Variants in KANK1 observed in about 807,000 individuals in gnomAD.
KANK1 encodes KN motif and ankyrin repeat domains 1, also known as KN motif and ankyrin repeat domain-containing protein 1.
Under a neutral mutation model 106.2 loss-of-function variants are expected in KANK1, and 109 were observed. That is an observed-to-expected ratio of 1.03 (90% CI 0.88 to 1.20). The LOEUF is 1.20. KANK1 is among the 50% of genes most tolerant of loss of function. The pLI, the probability that KANK1 is intolerant of heterozygous loss-of-function variation, is 0.00. For synonymous variants in KANK1, 873 were observed against 652.2 expected (o/e 1.34, Z -5.16); for missense variants, 2,399 against 1,710.7 (o/e 1.40, Z -7.10).
At chr9:535,845 A>G (rs777765898) in intron 1 of KANK1, among the ~76,000 whole-genome samples, 2 of 152,122 alleles carry the variant, frequency 1.3e-5, no homozygotes, top group African/African-American at 4.8e-5. Context: ...TATTGTTTAT[A>G]TTTCTATTAA....
intron 1 of KANK1, among the ~76,000 whole-genome samples, chr9:596,876 G>A (rs1156614226): frequency 1.3e-5 from 2 of 151,568 alleles, no homozygotes; most frequent in South Asian, 2.1e-4. Context: ...AGAAAACCCC[G>A]TACCCAGTAA....
chr9:734,636 A>T lies in KANK1; in HGVS notation c.3246-112A>T. 4.4e-6 allele frequency: 3 copies of T among 688,778 alleles called. No individual in the cohort carries two copies. The South Asian group carries it at 5.3e-5, about 12-fold the overall frequency. 42.7% of individuals were successfully genotyped at this position (688,778 alleles called of 1,614,324 possible). ...AGCCAAGATCATGCCACTGCACTCCAGCCTGGGCGACAGAGCATGACCCTG... is the reference window on the plus strand; with the variant it reads ...AGCCAAGATCATGCCACTGCACTCCTGCCTGGGCGACAGAGCATGACCCTG... On this transcript the variant is annotated intron_variant, in intron 6 of 11. Coordinates refer to ENST00000382297, the MANE Select transcript of KANK1 (RefSeq NM_015158.5).
In KANK1 at chr9:745,775, T is replaced by TA. The variant is rs1837015429; in HGVS notation, c.*542dup. The TA allele has an allele frequency of 6.5e-6, 1 of 152,698 alleles. No individual in the cohort carries two copies. The highest frequency in any genetic ancestry group is 1.5e-5 in the Non-Finnish European group (1 of 68,100). 9.5% of individuals were successfully genotyped at this position (152,698 alleles called of 1,614,324 possible). The stretch of plus-strand genomic sequence containing the variant: ...ACAAAAGAATATTCTCATTTGGTCT[T>TA]AACTAGGTAGATGTAATATATGACT... On this transcript the variant is annotated 3_prime_UTR_variant, in exon 12 of 12. Transcript: ENST00000382297.
At chr9:506,362 A>T (rs1244041659) in intron 1 of KANK1, among the ~76,000 whole-genome samples, 1 of 152,190 alleles carries the variant, frequency 6.6e-6, no homozygotes, top group Non-Finnish European at 1.5e-5. Context: ...ATGAATAAGG[A>T]TGGAAGAGAA....
rs1021761501 is a variant in KANK1 at position 732,078 on chromosome 9, G to A, written c.3006-300G>A. On this transcript the variant is annotated intron_variant, in intron 5 of 11. Coordinates refer to ENST00000382297, the MANE Select transcript of KANK1 (RefSeq NM_015158.5). ...GGGGGGGGGACAAAAAGCACCTACC[G>A]ATCTGTTTTCCATAAAGTATGTTTT... 3.7e-5 allele frequency: 8 copies of A among 216,272 alleles called. No homozygotes were observed. The East Asian group carries it at 4.1e-4, about 11-fold the overall frequency. The allele number at this position is 216,272 out of a possible 1,614,324, so 13.4% of individuals were successfully genotyped here.
At chr9:609,879 C>G (rs749432003) in intron 1 of KANK1, among the ~76,000 whole-genome samples, 1 of 152,040 alleles carries the variant, frequency 6.6e-6, no homozygotes, top group African/African-American at 2.4e-5. Context: ...TTTCAAATTA[C>G]GTAGAATTGT....
intron 6 of KANK1, 28 bp from the exon 7 acceptor site, chr9:734,720 A>G: frequency 6.1e-6 from 9 of 1,463,746 alleles, no homozygotes; most frequent in Non-Finnish European, 8.6e-6. Flanking sequence ...TCTTGTGACC[A>G]ATCGTAACTT....
chr9:580,738 G>A (rs1022570158), intron 1 of KANK1, among the ~76,000 whole-genome samples: 23 of 152,266 alleles, frequency 1.5e-4, no homozygotes, highest in Non-Finnish European at 2.6e-4. Flanking sequence ...GGCCGCAGGC[G>A]GAGCTGCCTG....
chr9:567,963 G>C (rs1240352381), intron 1 of KANK1, among the ~76,000 whole-genome samples: 1 of 151,720 alleles, frequency 6.6e-6, no homozygotes, highest in African/African-American at 2.4e-5. Flanking sequence ...TCCAAAGAGA[G>C]AGTGCCAAAG....
At chr9:590,268 A>G (rs1047668573) in intron 1 of KANK1, among the ~76,000 whole-genome samples, 2 of 152,116 alleles carry the variant, frequency 1.3e-5, no homozygotes, top group African/African-American at 2.4e-5. Context: ...AGCCTTTGTT[A>G]TTATAGTCAG....
chr9:625,702 CA>C (rs908312001), intron 1 of KANK1, among the ~76,000 whole-genome samples: 22 of 152,270 alleles, frequency 1.4e-4, no homozygotes, highest in African/African-American at 5.1e-4. Context: ...AAGACTTAAT[CA>C]AACAAGTATT....
intron 1 of KANK1, among the ~76,000 whole-genome samples, chr9:531,376 A>AG (rs2060048501): frequency 2.0e-5 from 3 of 152,278 alleles, no homozygotes; most frequent in Admixed American, 2.0e-4. Flanking sequence ...GGCTGCAGTG[A>AG]GCTGTAATTG....
At chr9:734,495 G>T (rs1440226464) in intron 6 of KANK1, 1 of 338,650 alleles carries the variant, frequency 3.0e-6, no homozygotes, top group Admixed American at 3.8e-5. Flanking sequence ...GTGAAACCCC[G>T]TCTCCACTAA....
intron 1 of KANK1, among the ~76,000 whole-genome samples, chr9:576,200 T>C (rs1820515356): frequency 6.6e-6 from 1 of 152,218 alleles, no homozygotes; most frequent in Admixed American, 6.5e-5. Flanking sequence ...CTCCACATAC[T>C]TCTGATTCAT....
At chr9:675,025 TGA>T (rs1246259545) in intron 1 of KANK1, among the ~76,000 whole-genome samples, 5 of 14,556 alleles carry the variant, frequency 3.4e-4, no homozygotes, top group African/African-American at 3.3e-3. Context: ...TTTTTAATAA[TGA>T]TTATTATTAC....
intron 1 of KANK1, among the ~76,000 whole-genome samples, chr9:608,034 A>ATTTTTTTTTTTTTTTTT (rs35949327): frequency 1.7e-5 from 2 of 115,354 alleles, no homozygotes; most frequent in Non-Finnish European, 3.3e-5. Flanking sequence ...TATTATTATT[A>ATTTTTTTTTTTTTTTTT]TTTTTTTTTT....
At chr9:667,748 T>G (rs1362189400) in intron 1 of KANK1, among the ~76,000 whole-genome samples, 3 of 84,758 alleles carry the variant, frequency 3.5e-5, no homozygotes, top group East Asian at 4.8e-4. Flanking sequence ...TTTTGTTTTG[T>G]TTTTTTTTTT....
intron 1 of KANK1, among the ~76,000 whole-genome samples, chr9:555,549 C>A (rs1197710050): frequency 6.6e-6 from 1 of 152,194 alleles, no homozygotes; most frequent in African/African-American, 2.4e-5. Flanking sequence ...TATCCTTTTT[C>A]TGGAATGTTT....
At chr9:691,543 G>C (rs2139489047) in intron 2 of KANK1, among the ~76,000 whole-genome samples, 1 of 150,354 alleles carries the variant, frequency 6.7e-6, no homozygotes, top group African/African-American at 2.4e-5. Flanking sequence ...TTGCGGGCAT[G>C]AGCCACTGCA....
Sources: gnomAD v4.1 joint callset for allele counts (sites outside exome capture counted in the v4.1 genomes callset) on GRCh38, gnomAD v4.1.1 for gene constraint, MANE v1.5 for transcripts, NCBI Gene and HGNC (gene_info 2026-07-23, HGNC 2026-07-21) for gene names.